Variants in MAGI1 observed in about 807,000 individuals in gnomAD.
The protein encoded by MAGI1 is membrane-associated guanylate kinase, WW and PDZ domain-containing protein 1.
MAGI1 carries 58 observed loss-of-function variants against 139.9 expected under a neutral mutation model. The ratio of observed to expected loss-of-function variants is 0.41; its 90% confidence interval spans 0.34 to 0.52. The LOEUF is 0.52. Among genes scored for constraint, MAGI1 ranks in the 20% least tolerant of loss-of-function variants. The pLI, the probability that MAGI1 is intolerant of heterozygous loss-of-function variation, is 0.12. For missense variants in MAGI1, 1,874 were observed against 1,901.6 expected, an observed-to-expected ratio of 0.99 and a Z score of 0.27; for synonymous variants, 812 against 737.9, an observed-to-expected ratio of 1.10 and a Z score of -1.63.
At chr3:65,525,968 T>C (rs2078359758) in intron 2 of MAGI1, among the ~76,000 whole-genome samples, 2 of 152,176 alleles carry the variant, frequency 1.3e-5, no homozygotes, top group South Asian at 4.1e-4. Flanking sequence ...CAGGGGGAAA[T>C]CACAATTTAT....
intron 2 of MAGI1, among the ~76,000 whole-genome samples, chr3:65,594,474 C>T (rs73835604): frequency 6.6e-6 from 1 of 152,092 alleles, no homozygotes; most frequent in South Asian, 2.1e-4. Flanking sequence ...ACTTCAAAAG[C>T]CTAAAAGTCA....
At chr3:65,975,531 G>A (rs1301798542) in intron 1 of MAGI1, among the ~76,000 whole-genome samples, 8 of 152,090 alleles carry the variant, frequency 5.3e-5, no homozygotes, top group Non-Finnish European at 1.0e-4. Context: ...GGAGGTGGGC[G>A]GATCGTTCGA....
chr3:65,482,468 A>G (rs1951351454), intron 3 of MAGI1, among the ~76,000 whole-genome samples: 1 of 152,230 alleles, frequency 6.6e-6, no homozygotes, highest in African/African-American at 2.4e-5. Flanking sequence ...GTCAATAACC[A>G]AATAACCAAG....
intron 1 of MAGI1, among the ~76,000 whole-genome samples, chr3:65,640,754 C>T (rs1338547072): frequency 6.6e-6 from 1 of 152,170 alleles, no homozygotes; most frequent in Non-Finnish European, 1.5e-5. Flanking sequence ...TACCCGAATC[C>T]TAAAATAACA....
chr3:65,638,721 C>T (rs564163269), intron 1 of MAGI1, among the ~76,000 whole-genome samples: 1 of 150,388 alleles, frequency 6.6e-6, no homozygotes, highest in South Asian at 2.1e-4. Context: ...ATTCTCCTGC[C>T]TCAACCACCC....
At chr3:65,415,006 GAA>G (rs60772625) in intron 12 of MAGI1, among the ~76,000 whole-genome samples, 2 of 105,606 alleles carry the variant, frequency 1.9e-5, no homozygotes, top group African/African-American at 8.2e-5. Flanking sequence ...TCCAGCCTGG[GAA>G]AAAAAAAAAA....
At chr3:65,907,827 T>C (rs2061498154) in intron 1 of MAGI1, among the ~76,000 whole-genome samples, 1 of 152,190 alleles carries the variant, frequency 6.6e-6, no homozygotes, top group Admixed American at 6.5e-5. Context: ...TTGGTGTTTG[T>C]CACTGGCTTT....
chr3:66,019,269 T>C (rs373002577), intron 1 of MAGI1, among the ~76,000 whole-genome samples: 5 of 152,220 alleles, frequency 3.3e-5, no homozygotes, highest in African/African-American at 1.2e-4. Flanking sequence ...CTTGCTGCTA[T>C]TGGCATTTGG....
chr3:65,633,893 G>T (rs9809544), intron 1 of MAGI1, among the ~76,000 whole-genome samples: 7,313 of 152,224 alleles, frequency 0.048, 577 homozygotes, highest in African/African-American at 0.16. Flanking sequence ...CATTCAGAAT[G>T]CTGAGTGGAA....
intron 1 of MAGI1, among the ~76,000 whole-genome samples, chr3:65,743,901 A>G (rs2035480776): frequency 6.6e-6 from 1 of 152,106 alleles, no homozygotes; most frequent in Non-Finnish European, 1.5e-5. Context: ...ACACATAAAG[A>G]TAATATATAC....
chr3:66,027,252 T>C (rs1039891689), intron 1 of MAGI1, among the ~76,000 whole-genome samples: 1 of 149,712 alleles, frequency 6.7e-6, no homozygotes, highest in Non-Finnish European at 1.5e-5. Context: ...TGGGTGACAA[T>C]GAGACTCCGT....
At chr3:65,945,793 C>A (rs1189955524) in intron 1 of MAGI1, among the ~76,000 whole-genome samples, 2 of 152,180 alleles carry the variant, frequency 1.3e-5, no homozygotes, top group African/African-American at 4.8e-5. Flanking sequence ...GGGGACTACC[C>A]AATTCGTGAA....
At chr3:65,520,369 T>C (rs1168961878) in intron 2 of MAGI1, among the ~76,000 whole-genome samples, 1 of 152,192 alleles carries the variant, frequency 6.6e-6, no homozygotes, top group African/African-American at 2.4e-5. Flanking sequence ...ACTTGGGGTT[T>C]TGGAGCCAGA....
chr3:65,989,098 T>C (rs2066032509), intron 1 of MAGI1, among the ~76,000 whole-genome samples: 1 of 152,206 alleles, frequency 6.6e-6, no homozygotes, highest in African/African-American at 2.4e-5. Flanking sequence ...CAACGCTCCA[T>C]CACAAAATTA....
At chr3:65,477,397 C>T (rs980003427) in intron 4 of MAGI1, among the ~76,000 whole-genome samples, 3 of 152,070 alleles carry the variant, frequency 2.0e-5, no homozygotes, top group Non-Finnish European at 4.4e-5. Context: ...GCTAATCAAA[C>T]AATGACCAAA....
At chr3:65,624,418 A>G (rs990253930) in intron 1 of MAGI1, among the ~76,000 whole-genome samples, 4 of 152,242 alleles carry the variant, frequency 2.6e-5, no homozygotes, top group African/African-American at 9.6e-5. Context: ...GGTATAATCA[A>G]GCACTGGGGT....
Position 65,391,244 on chromosome 3 carries a change from G to GT in MAGI1, c.2313dup (p.Pro772ThrfsTer11). 1 of 1,614,186 alleles carries GT rather than the reference G, an allele frequency of 6.2e-7. No homozygotes were observed. Among genetic ancestry groups the GT allele is most frequent in the Non-Finnish European group, 8.5e-7 (1 of 1,180,042 alleles). ...TGATCTGGAGCTTGGGCCTCTGCAG[G>GT]TGGGAACTCGGGGAGCACCTGTGTG... is the stretch of plus-strand genomic sequence containing the variant. On this transcript the variant is annotated frameshift_variant, in exon 14 of 23. Transcript: ENST00000402939. LOFTEE classifies it high-confidence loss of function.
At position 65,869,878 on chromosome 3, in the gene MAGI1, A is replaced by G. The variant is rs1230806758; in HGVS notation, c.313+168118T>C. On this transcript the variant is annotated intron_variant, in intron 1 of 22. Coordinates refer to ENST00000402939, the MANE Select transcript of MAGI1 (RefSeq NM_001033057.2). ...TGCTGCTTATTTCATGAGAATGAGAAGGCAAGAGACACATGTGCAGCACGT... is the reference window on the plus strand; with the variant it reads ...TGCTGCTTATTTCATGAGAATGAGAGGGCAAGAGACACATGTGCAGCACGT... Among the ~76,000 whole-genome samples, 3 of 152,310 alleles carry G rather than the reference A, an allele frequency of 2.0e-5. No homozygotes were observed. The East Asian group carries it at 5.8e-4, about 29-fold the overall frequency.
At chr3:65,807,823 T>G (rs1201333457) in intron 1 of MAGI1, among the ~76,000 whole-genome samples, 1 of 152,178 alleles carries the variant, frequency 6.6e-6, no homozygotes, top group East Asian at 1.9e-4. Flanking sequence ...TCAAGATAGA[T>G]ACCAGTATCT....
Sources: allele counts gnomAD v4.1 joint callset (sites outside exome capture counted in the v4.1 genomes callset), GRCh38; gene constraint gnomAD v4.1.1; transcripts MANE v1.5; gene names NCBI Gene and HGNC (gene_info 2026-07-23, HGNC 2026-07-21).